The following RFX2 variants were observed in gnomAD, a reference collection of about 807,000 sequenced individuals.
The protein encoded by RFX2 is regulatory factor X2, also known as DNA-binding protein RFX2.
Under a neutral mutation model 87.8 loss-of-function variants are expected in RFX2, and 20 were observed. The observed-to-expected ratio is 0.23, with a 90% CI of 0.16 to 0.33. The LOEUF is 0.33. RFX2 is among the 10% of genes least tolerant of loss of function. The pLI is 1.00. For missense variants in RFX2, 767 were observed against 1,012.3 expected, an observed-to-expected ratio of 0.76 and a Z score of 3.29; for synonymous variants, 397 against 431.3, an observed-to-expected ratio of 0.92 and a Z score of 0.98.
At position 5,997,292 on chromosome 19, in the gene RFX2, A is replaced by G; in HGVS notation, c.1860-79T>C. ...CCCCAGGCCAGACTTCATGGCAGCAACACACCCCCTGCTCTACGTTCCCTG... is the reference window on the plus strand; with the variant it reads ...CCCCAGGCCAGACTTCATGGCAGCAGCACACCCCCTGCTCTACGTTCCCTG... On this transcript the variant is annotated intron_variant, in intron 15 of 17. Transcript: ENST00000303657. The surrounding 1 kb of genome is among the most constrained non-coding windows in gnomAD (Gnocchi z 4.2). The G allele has an allele frequency of 7.0e-7, 1 of 1,423,910 alleles. No individual in the cohort carries two copies. Among genetic ancestry groups the G allele is most frequent in the Non-Finnish European group, 9.4e-7 (1 of 1,065,914 alleles). The allele number at this position is 1,423,910 out of a possible 1,614,324, so 88.2% of individuals were successfully genotyped here. A position where few individuals can be genotyped will look rare whatever the true frequency, so the allele number is the denominator to read the frequency against.
At chr19:6,055,168 C>G (rs145701021) in intron 1 of RFX2, among the ~76,000 whole-genome samples, 4,290 of 152,230 alleles carry the variant, frequency 0.028, 109 homozygotes, top group Admixed American at 0.092. Flanking sequence ...TAAATACTCA[C>G]TAGAATGGCT....
chr19:6,069,115 TAA>T (rs1160364522), intron 1 of RFX2, among the ~76,000 whole-genome samples: 2 of 152,046 alleles, frequency 1.3e-5, no homozygotes, highest in Admixed American at 1.3e-4. Flanking sequence ...TCTGAAGGTG[TAA>T]AGTGTGAGAG....
Position 5,998,868 on chromosome 19 carries a change from C to A in RFX2, c.1860-1655G>T, listed in dbSNP as rs561091370. Among the ~76,000 whole-genome samples, 1 of 152,376 alleles carries A rather than the reference C, an allele frequency of 6.6e-6. No individual in the cohort carries two copies. Among genetic ancestry groups the A allele is most frequent in the South Asian group, 2.1e-4 (1 of 4,830 alleles). On this transcript the variant is annotated intron_variant, in intron 15 of 17. Transcript: ENST00000303657. The surrounding 1 kb of genome is among the most constrained non-coding windows in gnomAD (Gnocchi z 4.2). ...GAGCTTGGGGATGACCAGCCAAGGC[C>A]TCAGTCCACATGCTACCATTTTCTA...
At chr19:6,048,230 A>G (rs2087223471) in intron 1 of RFX2, among the ~76,000 whole-genome samples, 1 of 152,262 alleles carries the variant, frequency 6.6e-6, no homozygotes, top group African/African-American at 2.4e-5. Context: ...GAATTTTGGC[A>G]GTAAGTAAAA....
intron 1 of RFX2, among the ~76,000 whole-genome samples, chr19:6,096,314 A>T (rs1348343985): frequency 1.3e-5 from 2 of 152,226 alleles, no homozygotes; most frequent in East Asian, 3.8e-4. Flanking sequence ...AACTAATGTG[A>T]TACCCTGCAG....
Position 6,002,663 on chromosome 19 carries a change from G to A in RFX2, c.1650+58C>T, listed in dbSNP as rs188870984. On this transcript the variant is annotated intron_variant, in intron 14 of 17. Transcript: ENST00000303657. The surrounding 1 kb of genome is among the most constrained non-coding windows in gnomAD (Gnocchi z 6.7). ...GCCACGGGCTCCACTTGGTGGGTTT[G>A]CTGGTTTTGCTGGAGGGCGGGAAGC... is the stretch of plus-strand genomic sequence containing the variant. 7 of 1,597,274 alleles carry A rather than the reference G, an allele frequency of 4.4e-6. No individual in the cohort carries two copies. The Middle Eastern group carries it at 6.7e-4, about 152-fold the overall frequency.
In RFX2 at chr19:6,002,585, A is replaced by T; in HGVS notation, c.1650+136T>A. On this transcript the variant is annotated intron_variant, in intron 14 of 17. Coordinates refer to ENST00000303657, the MANE Select transcript of RFX2 (RefSeq NM_000635.4). The surrounding 1 kb of genome is among the most constrained non-coding windows in gnomAD (Gnocchi z 6.7). The stretch of plus-strand genomic sequence containing the variant: ...GGCTGTGGGTGGGCTTTGGCCTGGG[A>T]CCCGTGTCATGCAACAGAACCGTGG... 2 of 1,073,384 alleles carry T rather than the reference A, an allele frequency of 1.9e-6. No homozygotes were observed. The highest frequency in any genetic ancestry group is 2.7e-6 in the Non-Finnish European group (2 of 735,092). 66.5% of individuals were successfully genotyped at this position (1,073,384 alleles called of 1,614,324 possible).
chr19:6,095,955 A>C (rs1019992407), intron 1 of RFX2, among the ~76,000 whole-genome samples: 5 of 152,256 alleles, frequency 3.3e-5, no homozygotes, highest in Non-Finnish European at 5.9e-5. Flanking sequence ...GCCAGGCCCA[A>C]GCTCTCACAT....
In RFX2 at chr19:6,056,494, C is replaced by G. The variant is rs1001852660; in HGVS notation, c.-8-8990G>C. Among the ~76,000 whole-genome samples the G allele has an allele frequency of 1.3e-5, 2 of 152,144 alleles. No individual in the cohort carries two copies. Among genetic ancestry groups the G allele is most frequent in the African/African-American group, 4.8e-5 (2 of 41,430 alleles). Reference sequence around the variant, plus strand: ...TGATGCTGGATCCTGAGTAACTCCTCCACCTGGCAGAGGAGAGCGCAGCAG... The same window carrying G: ...TGATGCTGGATCCTGAGTAACTCCTGCACCTGGCAGAGGAGAGCGCAGCAG... On this transcript the variant is annotated intron_variant, in intron 1 of 17. Coordinates refer to ENST00000303657, the MANE Select transcript of RFX2 (RefSeq NM_000635.4). The surrounding 1 kb of genome is among the most constrained non-coding windows in gnomAD (Gnocchi z 4.6).
In RFX2 at chr19:6,001,910, C is replaced by T. The variant is rs769754714; in HGVS notation, c.1764G>A (p.Leu588=). Residue 588 remains leucine, a synonymous_variant, in exon 15 of 18, where the codon CTG becomes CTA. Transcript: ENST00000303657. The surrounding 1 kb of genome is among the most constrained non-coding windows in gnomAD (Gnocchi z 5.6). ...TCAGGACCTGGGTGACCACACTGTCCAGCCAGCTGGCCCACTGGTCCAGGG... is the reference window on the plus strand; with the variant it reads ...TCAGGACCTGGGTGACCACACTGTCTAGCCAGCTGGCCCACTGGTCCAGGG... The part of the protein sequence containing the change: ...QSSLDQWASW[L]DSVVTQVLKQ... 5 of 1,613,108 alleles carry T rather than the reference C, an allele frequency of 3.1e-6. No homozygotes were observed. In the Admixed American group the frequency reaches 8.3e-5, roughly 27 times the overall value.
At chr19:6,071,070 C>G (rs566620634) in intron 1 of RFX2, among the ~76,000 whole-genome samples, 5 of 152,336 alleles carry the variant, frequency 3.3e-5, no homozygotes, top group African/African-American at 1.2e-4. Flanking sequence ...TGCCAAATGG[C>G]TAATCTTTCC....
chr19:6,006,213 T>G (rs1187755509), intron 12 of RFX2, among the ~76,000 whole-genome samples: 8 of 152,098 alleles, frequency 5.3e-5, no homozygotes, highest in Non-Finnish European at 1.0e-4. Context: ...CAGGCTGGAG[T>G]GCAGTGGTGC....
chr19:6,001,872 C>T lies in RFX2; in HGVS notation c.1802G>A (p.Gly601Asp), dbSNP rs768839695. ...GGCGGCCTTGGGGAAGCTGGGGCTG[C>T]CGGCATGCTGCTTCAGGACCTGGGT... ...VVTQVLKQHA[G>D]SPSFPKAARQ... The change falls in exon 15 of 18, where the codon GGC becomes GAC. Residue 601 changes from glycine (G) to aspartate (D), a missense_variant. Gly to Asp is a moderately conservative substitution (Grantham distance 94). Coordinates refer to ENST00000303657, the MANE Select transcript of RFX2 (RefSeq NM_000635.4). This position sits in a 1 kb window ranked among gnomAD's most constrained non-coding sequence, Gnocchi z 5.6. 46 of 1,612,900 alleles carry T rather than the reference C, an allele frequency of 2.9e-5. No individual in the cohort carries two copies. Among genetic ancestry groups the T allele is most frequent in the Non-Finnish European group, 3.6e-5 (43 of 1,179,708 alleles).
rs1426210514 is a variant in RFX2 at position 6,010,889 on chromosome 19, G to C, written c.900-638C>G. On this transcript the variant is annotated intron_variant, in intron 8 of 17. Coordinates refer to ENST00000303657, the MANE Select transcript of RFX2 (RefSeq NM_000635.4). This position sits in a 1 kb window ranked among gnomAD's most constrained non-coding sequence, Gnocchi z 5.0. ...CCCAGTGCTTTGGGAGGCCGAGGCA[G>C]GTGGATCATCTGAGGTCGGGAGTTC... Among the ~76,000 whole-genome samples the C allele has an allele frequency of 1.3e-5, 2 of 152,190 alleles. No individual in the cohort carries two copies. Among genetic ancestry groups the C allele is most frequent in the Non-Finnish European group, 2.9e-5 (2 of 68,046 alleles).
At chr19:6,042,369 G>C (rs567815912) in intron 3 of RFX2, among the ~76,000 whole-genome samples, 8 of 152,294 alleles carry the variant, frequency 5.3e-5, no homozygotes, top group Non-Finnish European at 5.9e-5. Context: ...TAGCGTGTCT[G>C]TGCGCCCTGG....
intron 5 of RFX2, among the ~76,000 whole-genome samples, chr19:6,034,417 C>T (rs991446309): frequency 1.5e-4 from 23 of 152,014 alleles, no homozygotes; most frequent in Admixed American, 1.0e-3. Context: ...TTAGTAGAGA[C>T]GGGGTTTCAC....
At chr19:6,008,654 C>T (rs984807200) in intron 9 of RFX2, among the ~76,000 whole-genome samples, 11 of 146,680 alleles carry the variant, frequency 7.5e-5, no homozygotes, top group South Asian at 2.1e-4. Flanking sequence ...GGATTACAGG[C>T]GTGAGCCACC....
chr19:6,092,226 A>AT (rs1466936256), intron 1 of RFX2, among the ~76,000 whole-genome samples: 1 of 152,268 alleles, frequency 6.6e-6, no homozygotes, highest in East Asian at 1.9e-4. Flanking sequence ...GAAGCCAACT[A>AT]TAACAGCAAG....
At chr19:6,108,183 C>T (rs1444750167) in intron 1 of RFX2, among the ~76,000 whole-genome samples, 3 of 152,226 alleles carry the variant, frequency 2.0e-5, no homozygotes, top group East Asian at 3.8e-4. Flanking sequence ...AGTTGCCTTC[C>T]GTACCACGCC....
Sources: allele counts gnomAD v4.1 joint callset (sites outside exome capture counted in the v4.1 genomes callset), GRCh38; gene constraint gnomAD v4.1.1; non-coding constraint Gnocchi (gnomAD v3.1); transcripts MANE v1.5; gene names NCBI Gene and HGNC (gene_info 2026-07-23, HGNC 2026-07-21).